The following ACVR2A variants were observed in gnomAD, a reference collection of about 807,000 sequenced individuals.
ACVR2A encodes activin A receptor type 2A.
ACVR2A carries 7 observed loss-of-function variants against 61.4 expected under a neutral mutation model. The ratio of observed to expected loss-of-function variants is 0.11; its 90% CI spans 0.06 to 0.21. The LOEUF is 0.21. Among genes scored for constraint, ACVR2A ranks in the 10% least tolerant of loss-of-function variants. The pLI is 1.00. For synonymous variants in ACVR2A, 193 were observed against 208.3 expected, an observed-to-expected ratio of 0.93 and a Z score of 0.63; for missense variants, 322 against 621.7, an observed-to-expected ratio of 0.52 and a Z score of 5.13.
intron 6 of ACVR2A, among the ~76,000 whole-genome samples, chr2:147,917,713 T>TA (rs1281182196): frequency 6.6e-6 from 1 of 152,004 alleles, no homozygotes; most frequent in East Asian, 1.9e-4. Context: ...TTAGTGTAGG[T>TA]AATGCTTAGT....
At chr2:147,862,003 T>C (rs566470876) in intron 1 of ACVR2A, among the ~76,000 whole-genome samples, 24 of 152,190 alleles carry the variant, frequency 1.6e-4, no homozygotes, top group Non-Finnish European at 3.4e-4. Flanking sequence ...AACCCTGAGA[T>C]AATGCAATTT....
chr2:147,909,802 T>C, intron 4 of ACVR2A, among the ~76,000 whole-genome samples: 1 of 152,038 alleles, frequency 6.6e-6, no homozygotes, highest in South Asian at 2.1e-4. Context: ...CACGCCCAGC[T>C]AATTTTTAAA....
At chr2:147,853,069 G>A (rs773450782) in intron 1 of ACVR2A, among the ~76,000 whole-genome samples, 13 of 152,106 alleles carry the variant, frequency 8.5e-5, no homozygotes, top group Non-Finnish European at 1.8e-4. Context: ...GCAACTCGAA[G>A]ACTAAGGTAG....
intron 9 of ACVR2A, among the ~76,000 whole-genome samples, chr2:147,924,919 G>C (rs1157501758): frequency 6.6e-6 from 1 of 151,840 alleles, no homozygotes; most frequent in African/African-American, 2.4e-5. Flanking sequence ...TCGGTACTTT[G>C]TCACTGGAAG....
chr2:147,863,324 C>G (rs1178800815), intron 1 of ACVR2A, among the ~76,000 whole-genome samples: 2 of 152,134 alleles, frequency 1.3e-5, no homozygotes, highest in African/African-American at 4.8e-5. Flanking sequence ...TTTCCTGTGG[C>G]TGATAATAGC....
At chr2:147,895,360 G>T (rs533042161) in intron 1 of ACVR2A, among the ~76,000 whole-genome samples, 1 of 152,102 alleles carries the variant, frequency 6.6e-6, no homozygotes, top group African/African-American at 2.4e-5. Flanking sequence ...AACACCATAT[G>T]ATGCTAATCA....
chr2:147,925,889 TGA>T lies in ACVR2A; in HGVS notation c.1217-138_1217-137del, dbSNP rs548919592. The T allele has an allele frequency of 3.2e-5, 25 of 789,238 alleles. No homozygotes were observed. In the East Asian group the frequency reaches 6.2e-4, roughly 20 times the overall value. 48.9% of individuals were successfully genotyped at this position (789,238 alleles called of 1,614,324 possible). ...GGTCACACTGTGGTATAAGTACAGT[TGA>T]GAGTCTGTTTCTCTTCTGTCCTCAT... On this transcript the variant is annotated intron_variant, in intron 9 of 10. Transcript: ENST00000241416.
At chr2:147,898,075 A>G (rs1204965179) in intron 2 of ACVR2A, among the ~76,000 whole-genome samples, 1 of 152,178 alleles carries the variant, frequency 6.6e-6, no homozygotes, top group African/African-American at 2.4e-5. Context: ...TAGTGCCAAA[A>G]AGAGTAGTGA....
At chr2:147,888,681 C>CT (rs1156497786) in intron 1 of ACVR2A, among the ~76,000 whole-genome samples, 2,420 of 136,712 alleles carry the variant, frequency 0.018, 47 homozygotes, top group Admixed American at 0.059. Flanking sequence ...GCTGCTGCTT[C>CT]TTTTTTTTTT....
chr2:147,907,716 G>C (rs1397340273), intron 4 of ACVR2A, among the ~76,000 whole-genome samples: 3 of 152,100 alleles, frequency 2.0e-5, no homozygotes, highest in Admixed American at 6.5e-5. Flanking sequence ...AAATAATTAA[G>C]TGGAGTCCAT....
chr2:147,870,561 A>G (rs1685987730), intron 1 of ACVR2A, among the ~76,000 whole-genome samples: 1 of 152,180 alleles, frequency 6.6e-6, no homozygotes, highest in Non-Finnish European at 1.5e-5. Context: ...AGATCTATGC[A>G]TTAACCCTTA....
intron 9 of ACVR2A, 104 bp downstream of exon 9, chr2:147,923,215 T>C: frequency 1.6e-6 from 2 of 1,282,228 alleles, no homozygotes; most frequent in Non-Finnish European, 2.1e-6. Flanking sequence ...AGTTTTTTTT[T>C]AATTGACTCC....
At chr2:147,905,239 A>G (rs191442313) in intron 4 of ACVR2A, among the ~76,000 whole-genome samples, 3 of 152,212 alleles carry the variant, frequency 2.0e-5, no homozygotes, top group South Asian at 2.1e-4. Context: ...ACTATAAACT[A>G]TTCCACAACT....
At chr2:147,896,231 G>A (rs1206513623) in intron 1 of ACVR2A, 70 bp from the exon 2 acceptor site, 10 of 1,388,206 alleles carry the variant, frequency 7.2e-6, no homozygotes, top group Non-Finnish European at 9.0e-6. Context: ...ACCTAAAGTT[G>A]CTATCTTGGG....
At chr2:147,919,320 G>A (rs974610387) in intron 7 of ACVR2A, among the ~76,000 whole-genome samples, 16 of 152,200 alleles carry the variant, frequency 1.1e-4, no homozygotes, top group African/African-American at 3.4e-4. Context: ...TTTAAATGAC[G>A]TCTACCTCAG....
intron 1 of ACVR2A, chr2:147,877,620 C>T (rs951646507): frequency 6.6e-6 from 1 of 151,976 alleles, no homozygotes; most frequent in Non-Finnish European, 1.5e-5. Context: ...TCTACTTTTC[C>T]TGAACAAAAA....
chr2:147,845,085 C>G lies in ACVR2A; in HGVS notation c.-68C>G. 1 of 1,278,900 alleles carries G rather than the reference C, an allele frequency of 7.8e-7. No individual in the cohort carries two copies. The highest frequency in any genetic ancestry group is 1.1e-6 in the Non-Finnish European group (1 of 942,962). The allele number at this position is 1,278,900 out of a possible 1,614,324, so 79.2% of individuals were successfully genotyped here. Reference sequence around the variant, plus strand: ...TGATTTTACACCAGGAGGTTTGTCTCCGAGGAAGACCCAGGGAACTGGATA... The same window carrying G: ...TGATTTTACACCAGGAGGTTTGTCTGCGAGGAAGACCCAGGGAACTGGATA... On this transcript the variant is annotated 5_prime_UTR_variant, in exon 1 of 11. Transcript: ENST00000241416.
chr2:147,880,037 T>A (rs1686259513), intron 1 of ACVR2A, among the ~76,000 whole-genome samples: 1 of 152,156 alleles, frequency 6.6e-6, no homozygotes, highest in South Asian at 2.1e-4. Flanking sequence ...GTTTTATTGT[T>A]TTACTGATTA....
chr2:147,915,366 A>T, intron 5 of ACVR2A, 32 bp downstream of exon 5: 1 of 1,609,000 alleles, frequency 6.2e-7, no homozygotes, highest in South Asian at 1.1e-5. Flanking sequence ...CATCTTACAT[A>T]CATGTTTTAT....
Sources: allele counts gnomAD v4.1 joint callset (sites outside exome capture counted in the v4.1 genomes callset), GRCh38; gene constraint gnomAD v4.1.1; transcripts MANE v1.5; gene names NCBI Gene and HGNC (gene_info 2026-07-23, HGNC 2026-07-21).